LRRC57: variants seen among roughly 807,000 people sequenced by gnomAD.
LRRC57 encodes the protein leucine-rich repeat-containing protein 57.
A neutral mutation model predicts 23.1 loss-of-function variants in LRRC57; 14 were observed. That is an observed-to-expected ratio of 0.61 (90% CI 0.40 to 0.95). LRRC57 has a LOEUF of 0.95. Ranked by LOEUF, LRRC57 falls within the 40% of genes least tolerant of loss-of-function variation. LRRC57 has a pLI of 0.00. For missense variants in LRRC57, 236 were observed against 284.4 expected, an observed-to-expected ratio of 0.83 and a Z score of 1.22; for synonymous variants, 106 against 115.2, an observed-to-expected ratio of 0.92 and a Z score of 0.51.
chr15:42,530,592 A>C, the LRRC57 span, among the ~76,000 whole-genome samples: 1 of 152,080 alleles, frequency 6.6e-6, no homozygotes, highest in Non-Finnish European at 1.5e-5. Flanking sequence ...TACTAAAAAA[A>C]TTTAAAAATT....
At chr15:42,535,190 CCAT>C (rs2141569883), downstream of LRRC57, among the ~76,000 whole-genome samples, 1 of 152,340 alleles carries the variant, frequency 6.6e-6, no homozygotes, top group Non-Finnish European at 1.5e-5. Context: ...TGCAGCTTCT[CCAT>C]CAGCACTTGC....
At chr15:42,529,126 A>C in the LRRC57 span, among the ~76,000 whole-genome samples, 5 of 152,124 alleles carry the variant, frequency 3.3e-5, no homozygotes, top group Non-Finnish European at 7.3e-5. Flanking sequence ...CAATTACTCA[A>C]CTCTGTTGTA....
In LRRC57 at chr15:42,537,865, TAG is replaced by T. The variant is rs1235677379; in HGVS notation, c.*6216_*6217del. 4.0e-5 allele frequency: 6 copies of T among 151,870 alleles called. No individual in the cohort carries two copies. Among genetic ancestry groups the T allele is most frequent in the Non-Finnish European group, 7.4e-5 (5 of 67,980 alleles). The allele number at this position is 151,870 out of a possible 1,614,324, so 9.4% of individuals were successfully genotyped here. On this transcript the variant is annotated 3_prime_UTR_variant, in exon 6 of 6. Transcript: ENST00000397130. ...AGCTAAAAAATTTATTTCATGGAGG[TAG>T]AGAGTAGAATGATAGTTACCAGAGG...
chr15:42,548,341 C>A lies in LRRC57; in HGVS notation c.84+10G>T. On this transcript the variant is annotated intron_variant, in intron 2 of 5. Coordinates refer to ENST00000397130, the MANE Select transcript of LRRC57 (RefSeq NM_153260.3). ...TTTAAGTTCCCTGGTCGTGTCCCTC[C>A]CAGTCTCACCTCGGTCAGCCCTCGG... The A allele has an allele frequency of 6.2e-7, 1 of 1,614,218 alleles. No individual in the cohort carries two copies. The highest frequency in any genetic ancestry group is 8.5e-7 in the Non-Finnish European group (1 of 1,180,022).
In LRRC57 at chr15:42,538,607, GTACAACTTGTAAAATTC is replaced by G. The variant is rs2057612361; in HGVS notation, c.*5459_*5475del. 6.6e-6 allele frequency: 1 copy of G among 151,986 alleles called. No homozygotes were observed. The highest frequency in any genetic ancestry group is 2.1e-4 in the South Asian group (1 of 4,812). The allele number at this position is 151,986 out of a possible 1,614,324, so 9.4% of individuals were successfully genotyped here. ...TGTCCACTCCAAGCCTTCTATTTCT[GTACAACTTGTAAAATTC>G]TACTTTCATGCCTTATAGATGAGAT... On this transcript the variant is annotated 3_prime_UTR_variant, in exon 6 of 6. Coordinates refer to ENST00000397130, the MANE Select transcript of LRRC57 (RefSeq NM_153260.3).
rs202009649 is a variant in LRRC57, at chr15:42,544,815, TCA to T, written c.678+260_678+261del. ...CTGGGCGACAGAGTGAGACCCTGTC[TCA>T]CACACACACACACACACACACACAC... On this transcript the variant is annotated intron_variant, in intron 5 of 5. Transcript: ENST00000397130. Among the ~76,000 whole-genome samples the T allele has an allele frequency of 2.1e-3, 280 of 131,426 alleles. 2 individuals carry two copies. The highest frequency in any genetic ancestry group is 0.016 in the East Asian group (79 of 4,998). The allele number at this position is 131,426 out of a possible 152,430, so 86.2% of individuals were successfully genotyped here. A position where few individuals can be genotyped will look rare whatever the true frequency, so the allele number is the denominator to read the frequency against.
chr15:42,536,495 CAT>C (rs1483295145), downstream of LRRC57, among the ~76,000 whole-genome samples: 1 of 152,194 alleles, frequency 6.6e-6, no homozygotes, highest in Non-Finnish European at 1.5e-5. Flanking sequence ...TGAAAGACAA[CAT>C]AGCCTCTCCC....
rs773563121 is a variant in LRRC57 at position 42,548,132 on chromosome 15, C to A, written c.197G>T (p.Ser66Ile). ...LLIGKFTLLK[S>I]LSLNNNKLTV... ...CAGTTTGTTGTTGTTCAGGGAGAGG[C>A]TCTTCAGCAGAGTGAACTTTCCTAT... The change falls in exon 3 of 6, where the codon AGC becomes ATC. Residue 66 changes from serine to isoleucine, a missense_variant. By Grantham distance (142) the Ser-to-Ile change is moderately radical (BLOSUM62 -2). Transcript: ENST00000397130. 1.2e-6 allele frequency: 2 copies of A among 1,614,218 alleles called. No individual in the cohort carries two copies. Among genetic ancestry groups the A allele is most frequent in the South Asian group, 2.2e-5 (2 of 91,090 alleles).
chr15:42,531,954 A>G, the LRRC57 span: 1 of 152,434 alleles, frequency 6.6e-6, no homozygotes, highest in Non-Finnish European at 1.5e-5. Flanking sequence ...ATCTAGTTGG[A>G]TATAGTTTTT....
chr15:42,546,182 T>C (rs1350001842), intron 4 of LRRC57, among the ~76,000 whole-genome samples: 2 of 152,190 alleles, frequency 1.3e-5, no homozygotes, highest in Non-Finnish European at 2.9e-5. Flanking sequence ...ATGGGAACTT[T>C]AATAAGTTCA....
rs965826433 is a variant in LRRC57, at chr15:42,538,902, G to C, written c.*5181C>G. 6.6e-6 allele frequency: 1 copy of C among 152,162 alleles called. No homozygotes were observed. Among genetic ancestry groups the C allele is most frequent in the African/African-American group, 2.4e-5 (1 of 41,422 alleles). The allele number at this position is 152,162 out of a possible 1,614,324, so 9.4% of individuals were successfully genotyped here. On this transcript the variant is annotated 3_prime_UTR_variant, in exon 6 of 6. Coordinates refer to ENST00000397130, the MANE Select transcript of LRRC57 (RefSeq NM_153260.3). ...AAGCTGTAAAAAATTTGGGTGACTT[G>C]GGCCAGATGTGGTGGCTCACACCTG... is the stretch of plus-strand genomic sequence containing the variant.
chr15:42,544,858 A>ATATATATATATATC (rs1173358007), intron 5 of LRRC57, among the ~76,000 whole-genome samples: 37 of 148,936 alleles, frequency 2.5e-4, no homozygotes, highest in African/African-American at 8.2e-4. Context: ...ATATATATAT[A>ATATATATATATATC]TCAAAAGACA....
At chr15:42,547,566 T>C (rs368766571) in intron 3 of LRRC57, 37 bp from the exon 4 acceptor site, 2 of 1,572,292 alleles carry the variant, frequency 1.3e-6, no homozygotes, top group Non-Finnish European at 1.7e-6. Flanking sequence ...CTGAATGTGA[T>C]AGAGCTGAAA....
chr15:42,531,284 T>C, the LRRC57 span: 2 of 530,280 alleles, frequency 3.8e-6, no homozygotes, highest in Non-Finnish European at 3.2e-6. Flanking sequence ...TTGCCCAACA[T>C]GAGTTTTGTA....
chr15:42,530,351 AAT>A, the LRRC57 span, among the ~76,000 whole-genome samples: 1 of 152,220 alleles, frequency 6.6e-6, no homozygotes, highest in South Asian at 2.1e-4. Context: ...GGACACACGA[AAT>A]AGAGTCATGT....
rs777007546 is a variant in LRRC57 at position 42,548,450 on chromosome 15, C to G, written c.-16G>C. On this transcript the variant is annotated 5_prime_UTR_variant, in exon 2 of 6. Transcript: ENST00000397130. Reference sequence around the variant, plus strand: ...TGTTTCCCATCCTAGCGCCGCGGCTCAGGTCCCTGCGGGAAGGAAGCGCTG... The same window carrying G: ...TGTTTCCCATCCTAGCGCCGCGGCTGAGGTCCCTGCGGGAAGGAAGCGCTG... The G allele has an allele frequency of 1.9e-6, 3 of 1,612,534 alleles. No individual in the cohort carries two copies. The highest frequency in any genetic ancestry group is 1.1e-5 in the South Asian group (1 of 91,072).
the LRRC57 span, chr15:42,531,604 C>T: frequency 3.1e-6 from 2 of 650,032 alleles, no homozygotes; most frequent in Non-Finnish European, 5.1e-6. Context: ...GGAAGAAGGG[C>T]CAGAGCAGTT....
At chr15:42,548,594 G>A in intron 1 of LRRC57, 99 bp downstream of exon 1, 1 of 703,090 alleles carries the variant, frequency 1.4e-6, no homozygotes, top group Non-Finnish European at 2.3e-6. Context: ...AGAAACGGAA[G>A]AACACACAGC....
Position 42,541,653 on chromosome 15 carries a change from G to C in LRRC57, c.*2430C>G, listed in dbSNP as rs1476661502. ...ATTGAGAACTGTTGATATATAGTTA[G>C]TAATAGCTTTGTGACTAAGATAAAA... On this transcript the variant is annotated 3_prime_UTR_variant, in exon 6 of 6. Coordinates refer to ENST00000397130, the MANE Select transcript of LRRC57 (RefSeq NM_153260.3). The C allele has an allele frequency of 6.6e-6, 1 of 152,122 alleles. No individual in the cohort carries two copies. The highest frequency in any genetic ancestry group is 1.9e-4 in the East Asian group (1 of 5,192). 9.4% of individuals were successfully genotyped at this position (152,122 alleles called of 1,614,324 possible).
Sources: gnomAD v4.1 joint callset for allele counts (sites outside exome capture counted in the v4.1 genomes callset) on GRCh38, gnomAD v4.1.1 for gene constraint, MANE v1.5 for transcripts, NCBI Gene and HGNC (gene_info 2026-07-23, HGNC 2026-07-21) for gene names.